BBS2: variants seen among roughly 807,000 people sequenced by gnomAD.
BBS2 encodes the protein Bardet-Biedl syndrome 2.
BBS2 carries 62 observed loss-of-function variants against 83.0 expected under a neutral mutation model. The observed-to-expected ratio is 0.75, with a 90% CI of 0.61 to 0.92. BBS2 has a LOEUF of 0.92. Among genes scored for constraint, BBS2 ranks in the 40% least tolerant of loss-of-function variants. BBS2 has a pLI of 0.00. For missense variants in BBS2, 784 were observed against 901.0 expected (o/e 0.87, Z 1.66); for synonymous variants, 303 against 326.1 (o/e 0.93, Z 0.76).
At chr16:56,489,175 C>T (rs1207144620) in intron 15 of BBS2, among the ~76,000 whole-genome samples, 1 of 151,716 alleles carries the variant, frequency 6.6e-6, no homozygotes, top group African/African-American at 2.4e-5. Flanking sequence ...CCTGTCTCTA[C>T]CAAAAATAAA....
chr16:56,474,858 T>G, intron 17 of BBS2: 1 of 1,613,192 alleles, frequency 6.2e-7, no homozygotes, highest in Non-Finnish European at 8.5e-7. Context: ...CAAGGGGAAC[T>G]GAGGCATTGG....
chr16:56,475,090 G>T, intron 17 of BBS2: 1 of 845,056 alleles, frequency 1.2e-6, no homozygotes, highest in Non-Finnish European at 1.8e-6. Context: ...AAGTCAAAGG[G>T]ATTTTACGGG....
At chr16:56,487,844 A>C (rs1963824828) in intron 15 of BBS2, among the ~76,000 whole-genome samples, 1 of 152,222 alleles carries the variant, frequency 6.6e-6, no homozygotes, top group South Asian at 2.1e-4. Context: ...CACTACCCAC[A>C]CCAGATATTG....
At chr16:56,498,753 A>T in intron 12 of BBS2, 185 bp from the exon 13 acceptor site, 2 of 1,482,224 alleles carry the variant, frequency 1.3e-6, no homozygotes, top group South Asian at 2.5e-5. Flanking sequence ...GAAAATACTA[A>T]AACACTAGTC....
intron 12 of BBS2, chr16:56,499,288 A>G (rs1448012253): frequency 9.2e-6 from 2 of 217,922 alleles, no homozygotes; most frequent in African/African-American, 4.7e-5. Flanking sequence ...TGTTACACCA[A>G]TCATGTAATC....
At chr16:56,482,589 A>G (rs1963681199), downstream of BBS2, among the ~76,000 whole-genome samples, 1 of 152,188 alleles carries the variant, frequency 6.6e-6, no homozygotes, top group South Asian at 2.1e-4. Flanking sequence ...AGGACTCCAT[A>G]AGGCTTAAAT....
Position 56,497,851 on chromosome 16 carries a change from C to G in BBS2, c.1689G>C (p.Leu563Phe). 1 of 1,611,776 alleles carries G rather than the reference C, an allele frequency of 6.2e-7. No individual in the cohort carries two copies. The change falls in exon 14 of 17, where the codon TTG becomes TTC. Residue 563 changes from leucine (L) to phenylalanine (F), a missense_variant. Leu to Phe is a conservative substitution (Grantham distance 22). Transcript: ENST00000245157. Reference sequence around the variant, plus strand: ...CCATTGACTGGATGATATCACCAGCCAAATCAATATCATCAGTATTTATAG... The same window carrying G: ...CCATTGACTGGATGATATCACCAGCGAAATCAATATCATCAGTATTTATAG... ...EITINTDDID[L>F]AGDIIQSMAS...
chr16:56,498,281 G>A (rs899759163), intron 13 of BBS2, among the ~76,000 whole-genome samples, 156 bp downstream of exon 13: 27 of 152,040 alleles, frequency 1.8e-4, no homozygotes, highest in Middle Eastern at 3.2e-3. Context: ...AAAACAAAAC[G>A]TGGTTTTATG....
chr16:56,504,251 CAG>C (rs1418440310), intron 7 of BBS2, among the ~76,000 whole-genome samples: 4 of 152,358 alleles, frequency 2.6e-5, no homozygotes, highest in Admixed American at 1.3e-4. Context: ...CCCTCTAACT[CAG>C]ACTGACCTGA....
chr16:56,502,197 CA>C (rs1467440445), intron 9 of BBS2, 119 bp downstream of exon 9: 29 of 1,363,788 alleles, frequency 2.1e-5, no homozygotes, highest in Non-Finnish European at 3.0e-5. Flanking sequence ...TCAATTCTGA[CA>C]ATGGCAAAAA....
chr16:56,507,758 A>G (rs1343298727), intron 5 of BBS2, among the ~76,000 whole-genome samples: 2 of 152,154 alleles, frequency 1.3e-5, no homozygotes, highest in Non-Finnish European at 2.9e-5. Flanking sequence ...ACCTGAGGTC[A>G]GGAGTTCAAG....
At chr16:56,515,816 G>A (rs1025845235) in intron 1 of BBS2, among the ~76,000 whole-genome samples, 9 of 152,294 alleles carry the variant, frequency 5.9e-5, no homozygotes, top group South Asian at 4.1e-4. Flanking sequence ...ATTTGAACCT[G>A]ACACCAACCC....
chr16:56,510,192 G>A (rs1964537872), intron 4 of BBS2, among the ~76,000 whole-genome samples, 158 bp from the exon 5 acceptor site: 1 of 152,172 alleles, frequency 6.6e-6, no homozygotes, highest in Admixed American at 6.5e-5. Context: ...TCCCTCTAAT[G>A]GGAGGATCAG....
intron 14 of BBS2, chr16:56,497,283 T>C (rs1964141741): frequency 3.3e-6 from 2 of 607,074 alleles, no homozygotes; most frequent in Non-Finnish European, 5.9e-6. Flanking sequence ...CGACACTCCA[T>C]GTGAATCTTC....
downstream of BBS2, among the ~76,000 whole-genome samples, chr16:56,480,941 T>A (rs1334445780): frequency 6.6e-6 from 1 of 152,034 alleles, no homozygotes; most frequent in Non-Finnish European, 1.5e-5. Context: ...ACTGTACAGA[T>A]TACAAGATGA....
intron 13 of BBS2, 38 bp downstream of exon 13, chr16:56,498,399 C>T (rs1407168220): frequency 6.2e-7 from 1 of 1,611,302 alleles, no homozygotes; most frequent in African/African-American, 1.3e-5. Flanking sequence ...TAAATAAATT[C>T]AAAAAAGAAA....
chr16:56,481,454 G>C (rs573965818), downstream of BBS2, among the ~76,000 whole-genome samples: 119 of 152,258 alleles, frequency 7.8e-4, no homozygotes, highest in Non-Finnish European at 1.4e-3. Flanking sequence ...GGGGCTTTGA[G>C]GTACTGGATA....
At chr16:56,470,502 TGAG>T in exon 18 of BBS2, 1 of 1,610,006 alleles carries the variant, frequency 6.2e-7, no homozygotes, top group Non-Finnish European at 8.5e-7. Context: ...ATGAGAAAGC[TGAG>T]GAGAGTAAGC....
chr16:56,509,862 T>G, intron 5 of BBS2, 95 bp downstream of exon 5: 1 of 1,323,826 alleles, frequency 7.6e-7, no homozygotes. Context: ...ACCACCTGGG[T>G]TTGGAGATGC....
Sources: allele counts gnomAD v4.1 joint callset (sites outside exome capture counted in the v4.1 genomes callset), GRCh38; gene constraint gnomAD v4.1.1; transcripts MANE v1.5; gene names NCBI Gene and HGNC (gene_info 2026-07-23, HGNC 2026-07-21).